Variants in DIAPH2 observed in about 807,000 individuals in gnomAD.
DIAPH2 encodes protein diaphanous homolog 2.
A neutral mutation model predicts 92.7 loss-of-function variants in DIAPH2; 35 were observed. The ratio of observed to expected loss-of-function variants is 0.38; its 90% confidence interval spans 0.29 to 0.50. DIAPH2 has a LOEUF of 0.50. DIAPH2 is among the 20% of genes least tolerant of loss of function. DIAPH2 has a pLI of 0.94. For missense variants in DIAPH2, 701 were observed against 819.5 expected (o/e 0.86, Z 1.77); for synonymous variants, 301 against 280.4 (o/e 1.07, Z -0.73).
At chrX:97,004,427 C>T (rs141669750) in intron 17 of DIAPH2, among the ~76,000 whole-genome samples, 3,482 of 111,509 alleles carry the variant, frequency 0.031, 144 homozygotes, top group African/African-American at 0.11. Flanking sequence ...TTGAATCTTC[C>T]AATCCATCAA....
chrX:97,171,361 T>G (rs764806528), intron 22 of DIAPH2, among the ~76,000 whole-genome samples: 10 of 112,320 alleles, frequency 8.9e-5, no homozygotes, highest in Non-Finnish European at 1.7e-4. Flanking sequence ...TAGTCTTTCA[T>G]TAGCATATTC....
intron 13 of DIAPH2, among the ~76,000 whole-genome samples, chrX:96,944,870 A>G (rs1334942702): frequency 9.0e-6 from 1 of 111,243 alleles, no homozygotes; most frequent in Non-Finnish European, 1.9e-5. Context: ...GGGTACTGGT[A>G]TATGTTTTTA....
At chrX:96,733,236 C>G (rs999793813) in intron 1 of DIAPH2, among the ~76,000 whole-genome samples, 1 of 111,832 alleles carries the variant, frequency 8.9e-6, no homozygotes, top group Admixed American at 9.5e-5. Flanking sequence ...TATGTTAGAA[C>G]GTGCTAAATC....
At chrX:97,228,787 A>C (rs754196790) in intron 22 of DIAPH2, among the ~76,000 whole-genome samples, 1 of 112,263 alleles carries the variant, frequency 8.9e-6, no homozygotes, top group African/African-American at 3.2e-5. Context: ...ATCTTAGCAA[A>C]ATTGAGATTT....
chrX:97,431,947 C>T (rs961542201), intron 26 of DIAPH2, among the ~76,000 whole-genome samples: 11 of 111,894 alleles, frequency 9.8e-5, no homozygotes, highest in African/African-American at 3.6e-4. Flanking sequence ...TTTTTACTTT[C>T]TTAGGCACCT....
chrX:97,155,383 C>G (rs780843772), intron 22 of DIAPH2, among the ~76,000 whole-genome samples: 1 of 109,914 alleles, frequency 9.1e-6, no homozygotes, highest in South Asian at 4.0e-4. Flanking sequence ...CACCTGTAAT[C>G]CCAGCTACTC....
chrX:97,405,345 A>G (rs2069798787), intron 25 of DIAPH2, among the ~76,000 whole-genome samples: 1 of 112,030 alleles, frequency 8.9e-6, no homozygotes, highest in Admixed American at 9.5e-5. Flanking sequence ...GAGTTTTGGG[A>G]GATCTTGCAA....
intron 17 of DIAPH2, among the ~76,000 whole-genome samples, chrX:97,038,471 A>G (rs961392461): frequency 9.1e-6 from 1 of 109,716 alleles, no homozygotes; most frequent in African/African-American, 3.3e-5. Context: ...TTACATTCCC[A>G]TCAGCAGTGT....
chrX:96,870,322 C>T (rs897046577), intron 4 of DIAPH2, among the ~76,000 whole-genome samples: 8 of 110,258 alleles, frequency 7.3e-5, no homozygotes, highest in Admixed American at 5.8e-4. Flanking sequence ...AGTGCAGTGG[C>T]GTGATCTTGG....
intron 26 of DIAPH2, among the ~76,000 whole-genome samples, chrX:97,493,807 G>A (rs1266963193): frequency 8.4e-5 from 9 of 106,905 alleles, no homozygotes; most frequent in African/African-American, 3.1e-4. Context: ...AATCTCTTGA[G>A]CCTGGGAGGC....
chrX:96,953,367 G>A (rs1205915892), intron 15 of DIAPH2, among the ~76,000 whole-genome samples: 1 of 110,828 alleles, frequency 9.0e-6, no homozygotes, highest in Non-Finnish European at 1.9e-5. Flanking sequence ...CATTTGTCAG[G>A]TAAATAAAAC....
intron 26 of DIAPH2, among the ~76,000 whole-genome samples, chrX:97,597,468 G>C (rs1045561659): frequency 1.8e-5 from 2 of 111,608 alleles, no homozygotes; most frequent in African/African-American, 3.3e-5. Context: ...GGTAGTGAGT[G>C]ATGGTGTGGG....
Position 97,096,055 on chromosome X carries a change from G to A in DIAPH2, c.2248-3639G>A, listed in dbSNP as rs1157539517. 3.6e-5 allele frequency among the ~76,000 whole-genome samples: 4 copies of A among 111,779 alleles called. No individual in the cohort carries two copies. The East Asian group carries it at 8.4e-4, about 23-fold the overall frequency. On this transcript the variant is annotated intron_variant, in intron 19 of 26. Coordinates refer to ENST00000324765, the MANE Select transcript of DIAPH2 (RefSeq NM_006729.5). ...GCAGCAGCAGGTGGGGTTGGGGGAC[G>A]GCGGAGAAATTGAAGGGCTTGTGCC...
chrX:96,728,271 A>G (rs1212039423), intron 1 of DIAPH2, among the ~76,000 whole-genome samples: 7 of 108,009 alleles, frequency 6.5e-5, no homozygotes. Flanking sequence ...ATGTAATGGC[A>G]TGATCTCGGT....
intron 17 of DIAPH2, among the ~76,000 whole-genome samples, chrX:97,061,893 C>A (rs1365970998): frequency 4.2e-5 from 4 of 94,173 alleles, no homozygotes; most frequent in African/African-American, 1.6e-4. Flanking sequence ...ATTATTTTTT[C>A]TTTTCCCGTC....
chrX:97,321,703 C>T (rs2068898264), intron 23 of DIAPH2, among the ~76,000 whole-genome samples: 2 of 109,347 alleles, frequency 1.8e-5, no homozygotes, highest in African/African-American at 3.3e-5. Context: ...GCGCCCACCA[C>T]CAAGCCCGGC....
intron 12 of DIAPH2, among the ~76,000 whole-genome samples, chrX:96,941,322 A>G (rs1449389552): frequency 8.9e-6 from 1 of 112,136 alleles, no homozygotes; most frequent in Non-Finnish European, 1.9e-5. Flanking sequence ...GTGCCTTTTA[A>G]AAAATTTTGC....
intron 17 of DIAPH2, among the ~76,000 whole-genome samples, chrX:97,066,883 A>G (rs1037768818): frequency 1.7e-4 from 19 of 112,215 alleles, no homozygotes; most frequent in Admixed American, 1.6e-3. Flanking sequence ...GGAAATCACT[A>G]CAAAGTATGT....
intron 4 of DIAPH2, among the ~76,000 whole-genome samples, chrX:96,815,134 C>G (rs957470245): frequency 8.9e-6 from 1 of 112,100 alleles, no homozygotes; most frequent in Non-Finnish European, 1.9e-5. Flanking sequence ...TGCCCTGCCC[C>G]CCGAGGTGGG....
Sources: gnomAD v4.1 joint callset for allele counts (sites outside exome capture counted in the v4.1 genomes callset) on GRCh38, gnomAD v4.1.1 for gene constraint, MANE v1.5 for transcripts, NCBI Gene and HGNC (gene_info 2026-07-23, HGNC 2026-07-21) for gene names.